DTNA: variants seen among roughly 807,000 people sequenced by gnomAD.
DTNA encodes dystrophin-related protein 3.
DTNA carries 43 observed loss-of-function variants against 100.7 expected under a neutral mutation model. The observed-to-expected ratio is 0.43, with a 90% CI of 0.33 to 0.55. The LOEUF (loss-of-function observed/expected upper bound fraction) is 0.55, where lower values mean the gene tolerates loss of function less well. Among genes scored for constraint, DTNA ranks in the 20% least tolerant of loss-of-function variants. The pLI, the probability that DTNA is intolerant of heterozygous loss-of-function variation, is 0.04. For synonymous variants in DTNA, 349 were observed against 347.9 expected (o/e 1.00, Z -0.04); for missense variants, 798 against 953.9 (o/e 0.84, Z 2.15).
Position 34,498,294 on chromosome 18 carries a change from C to T in DTNA, c.-2+4780C>T, listed in dbSNP as rs572160869. 3.8e-4 allele frequency among the ~76,000 whole-genome samples: 58 copies of T among 151,866 alleles called. 1 individual carries two copies. The highest frequency in any genetic ancestry group is 3.3e-3 in the Admixed American group (50 of 15,242). ...AGATTAGCTGGGGGTGGTGGCAAGA[C>T]CTACAGGCGGGACCTGTAGTCCCAA... is the stretch of plus-strand genomic sequence containing the variant. On this transcript the variant is annotated intron_variant, in intron 1 of 19. Coordinates refer to the DTNA transcript ENST00000283365.
At chr18:34,875,124 T>G in intron 17 of DTNA, 115 bp from the exon 18 acceptor site, 1 of 1,459,374 alleles carries the variant, frequency 6.9e-7, no homozygotes, top group Non-Finnish European at 9.3e-7. Context: ...TACCTAGGAT[T>G]TCCTCCTGCT....
At chr18:34,689,315 G>A (rs891425513) in intron 1 of DTNA, among the ~76,000 whole-genome samples, 2 of 151,318 alleles carry the variant, frequency 1.3e-5, no homozygotes, top group East Asian at 1.9e-4. Context: ...GTGACCTTCA[G>A]ATGGAGTTTT....
chr18:34,849,209 ATAAG>A (rs1180978100), intron 14 of DTNA, among the ~76,000 whole-genome samples: 1 of 152,230 alleles, frequency 6.6e-6, no homozygotes. Context: ...TTTAAGGGCC[ATAAG>A]TAAGGAGCAA....
rs34072179 is a variant in DTNA, at chr18:34,693,746, C to CTGTGTG, written c.-1-62196_-1-62191dup. Reference sequence around the variant, plus strand: ...CATCCTGCTTGTCATCTTGTGTGCACTGTGTGTGTGTGTGTGTGTGTGTGT... The same window carrying CTGTGTG: ...CATCCTGCTTGTCATCTTGTGTGCACTGTGTGTGTGTGTGTGTGTGTGTGTGTGTGT... On this transcript the variant is annotated intron_variant, in intron 1 of 19. Transcript: ENST00000283365. Among the ~76,000 whole-genome samples, 542 of 143,186 alleles carry CTGTGTG rather than the reference C, an allele frequency of 3.8e-3. 9 individuals carry two copies. The highest frequency in any genetic ancestry group is 0.011 in the African/African-American group (420 of 38,836). 93.9% of individuals were successfully genotyped at this position (143,186 alleles called of 152,430 possible). A position where few individuals can be genotyped will look rare whatever the true frequency, so the allele number is the denominator to read the frequency against.
At chr18:34,527,712 A>C (rs935926447) in intron 1 of DTNA, among the ~76,000 whole-genome samples, 2 of 152,126 alleles carry the variant, frequency 1.3e-5, no homozygotes, top group Non-Finnish European at 2.9e-5. Context: ...TGTGGAGGCA[A>C]GTGCCTAGTT....
chr18:34,865,311 C>CTTCCCT (rs768332536), intron 17 of DTNA, among the ~76,000 whole-genome samples: 9 of 150,374 alleles, frequency 6.0e-5, no homozygotes, highest in Non-Finnish European at 8.9e-5. Flanking sequence ...CTCTTTTCTT[C>CTTCCCT]TTCCCTTTTT....
At chr18:34,653,158 G>A (rs536225998) in intron 1 of DTNA, among the ~76,000 whole-genome samples, 174 of 152,086 alleles carry the variant, frequency 1.1e-3, no homozygotes, top group African/African-American at 3.9e-3. Context: ...ACTGCTATCA[G>A]CTCCGTACTA....
chr18:34,552,028 A>G (rs1307464802), intron 1 of DTNA, among the ~76,000 whole-genome samples: 1 of 151,984 alleles, frequency 6.6e-6, no homozygotes, highest in Non-Finnish European at 1.5e-5. Context: ...CAATGCTGTC[A>G]CTGCTTGGCT....
At chr18:34,589,171 T>C (rs573987036) in intron 1 of DTNA, among the ~76,000 whole-genome samples, 1 of 152,112 alleles carries the variant, frequency 6.6e-6, no homozygotes, top group Non-Finnish European at 1.5e-5. Flanking sequence ...ATATGTAGCA[T>C]GCTGCTGTGG....
At chr18:34,619,643 C>T (rs2056058714) in intron 1 of DTNA, among the ~76,000 whole-genome samples, 1 of 152,036 alleles carries the variant, frequency 6.6e-6, no homozygotes, top group African/African-American at 2.4e-5. Flanking sequence ...ATGTCATCCA[C>T]TGTGATAGAG....
At chr18:34,761,048 T>C (rs1367249207) in intron 2 of DTNA, among the ~76,000 whole-genome samples, 1 of 152,004 alleles carries the variant, frequency 6.6e-6, no homozygotes, top group Non-Finnish European at 1.5e-5. Flanking sequence ...AATCATTTTT[T>C]ACCCCCAAAC....
At chr18:34,528,179 T>C (rs939792908) in intron 1 of DTNA, among the ~76,000 whole-genome samples, 3 of 152,152 alleles carry the variant, frequency 2.0e-5, no homozygotes, top group African/African-American at 7.2e-5. Flanking sequence ...ACAACTATTA[T>C]GCATTGTGCA....
intron 1 of DTNA, among the ~76,000 whole-genome samples, chr18:34,550,470 G>T (rs1228115147): frequency 2.6e-5 from 4 of 152,084 alleles, no homozygotes; most frequent in Admixed American, 2.6e-4. Context: ...TAACTTAACA[G>T]CTGTGTCACA....
chr18:34,561,489 G>T (rs1161987632), intron 1 of DTNA, among the ~76,000 whole-genome samples: 1 of 151,970 alleles, frequency 6.6e-6, no homozygotes, highest in African/African-American at 2.4e-5. Context: ...GATATTTGCT[G>T]CCTTCTCAAC....
At chr18:34,765,928 G>C (rs759923372) in intron 2 of DTNA, 33 bp from the exon 3 acceptor site, 1 of 1,603,674 alleles carries the variant, frequency 6.2e-7, no homozygotes, top group Non-Finnish European at 8.5e-7. Context: ...TGCACACATG[G>C]CATACCTTAT....
At chr18:34,620,569 C>G (rs1307614514) in intron 1 of DTNA, among the ~76,000 whole-genome samples, 1 of 152,106 alleles carries the variant, frequency 6.6e-6, no homozygotes, top group Non-Finnish European at 1.5e-5. Context: ...GTTCTGCAGG[C>G]TATACAGGAA....
At chr18:34,867,591 A>G (rs1030809888) in intron 17 of DTNA, 1 of 1,042,818 alleles carries the variant, frequency 9.6e-7, no homozygotes, top group Non-Finnish European at 1.2e-6. Context: ...GAAAAAGGAA[A>G]TAAGGTTCAA....
At chr18:34,839,414 G>C (rs2096224130) in intron 13 of DTNA, among the ~76,000 whole-genome samples, 1 of 152,210 alleles carries the variant, frequency 6.6e-6, no homozygotes, top group African/African-American at 2.4e-5. Context: ...CTTAGTTTCA[G>C]ATATGTTAAA....
At chr18:34,635,727 G>A (rs570476911) in intron 1 of DTNA, among the ~76,000 whole-genome samples, 2 of 152,092 alleles carry the variant, frequency 1.3e-5, no homozygotes, top group East Asian at 3.9e-4. Flanking sequence ...TATAACCATT[G>A]ATCTCACCAA....
Sources: allele counts gnomAD v4.1 joint callset (sites outside exome capture counted in the v4.1 genomes callset), GRCh38; gene constraint gnomAD v4.1.1; transcripts MANE v1.5; gene names NCBI Gene and HGNC (gene_info 2026-07-23, HGNC 2026-07-21).